Variants in TNFRSF13B observed in about 807,000 individuals in gnomAD.
TNFRSF13B encodes the protein TNF receptor superfamily member 13B.
Under a neutral mutation model 24.0 loss-of-function variants are expected in TNFRSF13B, and 34 were observed. The observed-to-expected ratio is 1.41, with a 90% CI of 1.08 to 1.88. TNFRSF13B has a LOEUF of 1.88. Ranked by LOEUF, TNFRSF13B falls within the 40% of genes most tolerant of loss-of-function variation. The pLI, the probability that TNFRSF13B is intolerant of heterozygous loss-of-function variation, is 0.00. For missense variants in TNFRSF13B, 415 were observed against 380.8 expected (o/e 1.09, Z -0.75); for synonymous variants, 173 against 150.3 (o/e 1.15, Z -1.10).
chr17:16,942,798 G>A (rs1445394602), intron 3 of TNFRSF13B, among the ~76,000 whole-genome samples: 1 of 152,224 alleles, frequency 6.6e-6, no homozygotes, highest in African/African-American at 2.4e-5. Context: ...AGCTTTCAGA[G>A]ACCATGCAAG....
At chr17:16,967,957 G>T (rs1003463967) in intron 1 of TNFRSF13B, among the ~76,000 whole-genome samples, 2 of 150,464 alleles carry the variant, frequency 1.3e-5, no homozygotes, top group African/African-American at 4.9e-5. Context: ...CTAACACGGT[G>T]AAACCGCATC....
intron 2 of TNFRSF13B, among the ~76,000 whole-genome samples, chr17:16,951,522 G>A (rs557896569): frequency 6.6e-6 from 1 of 152,344 alleles, no homozygotes; most frequent in African/African-American, 2.4e-5. Context: ...AGGATATTTG[G>A]ATTATGTTTC....
intron 1 of TNFRSF13B, among the ~76,000 whole-genome samples, chr17:16,960,708 A>G (rs2087656568): frequency 6.6e-6 from 1 of 152,232 alleles, no homozygotes; most frequent in Admixed American, 6.5e-5. Context: ...TCTTGGATAC[A>G]GCACCAAAGG....
rs769360883 is a variant in TNFRSF13B, at chr17:16,948,942, G to T, written c.241C>A (p.His81Asn). Reference protein sequence around the residue: ...CRKEQGKFYDHLLRDCISCAS... With the variant: ...CRKEQGKFYDNLLRDCISCAS... Reference sequence around the variant, plus strand: ...CAGCTGATGCAGTCCCTCAGGAGATGGTCATAGAACTTGCCTTGCTCCTTG... The same window carrying T: ...CAGCTGATGCAGTCCCTCAGGAGATTGTCATAGAACTTGCCTTGCTCCTTG... The change falls in exon 3 of 5, where the codon CAT becomes AAT. Residue 81 changes from histidine (H) to asparagine (N), a missense_variant. Coordinates refer to ENST00000261652, the MANE Select transcript of TNFRSF13B (RefSeq NM_012452.3). The T allele has an allele frequency of 3.1e-6, 5 of 1,614,070 alleles. No homozygotes were observed. In the South Asian group the frequency reaches 4.4e-5, roughly 14 times the overall value.
At chr17:16,940,279 T>C (rs1567649717) in intron 4 of TNFRSF13B, 47 bp downstream of exon 4, 2 of 1,611,708 alleles carry the variant, frequency 1.2e-6, no homozygotes, top group South Asian at 2.2e-5. Context: ...CCGAGGCTTG[T>C]CACCCAAGCA....
At position 16,939,446 on chromosome 17, in the gene TNFRSF13B, T is replaced by C; in HGVS notation, c.*101A>G. On this transcript the variant is annotated 3_prime_UTR_variant, in exon 5 of 5. Coordinates refer to ENST00000261652, the MANE Select transcript of TNFRSF13B (RefSeq NM_012452.3). ...TGTTTCTCTCCCTCTCTGCCTCCTC[T>C]GTCTCTCTCTCCTCATATCTCTCTC... The C allele has an allele frequency of 7.3e-7, 1 of 1,372,774 alleles. No homozygotes were observed. The highest frequency in any genetic ancestry group is 1.4e-5 in the South Asian group (1 of 70,756). 85.0% of individuals were successfully genotyped at this position (1,372,774 alleles called of 1,614,324 possible).
chr17:16,952,709 A>AGT, intron 1 of TNFRSF13B, 126 bp from the exon 2 acceptor site: 1 of 1,452,622 alleles, frequency 6.9e-7, no homozygotes, highest in Non-Finnish European at 9.4e-7. Context: ...TGAGGAGCAG[A>AGT]GAGGGCAGAC....
intron 1 of TNFRSF13B, among the ~76,000 whole-genome samples, chr17:16,955,127 T>TCTACGTCAGTGAGCC (rs1430687907): frequency 6.6e-6 from 1 of 152,202 alleles, no homozygotes; most frequent in Non-Finnish European, 1.5e-5. Flanking sequence ...GGGCAAAGCT[T>TCTACGTCAGTGAGCC]CTACGTCAGT....
At chr17:16,956,054 A>G (rs963675829) in intron 1 of TNFRSF13B, among the ~76,000 whole-genome samples, 2 of 152,230 alleles carry the variant, frequency 1.3e-5, no homozygotes, top group African/African-American at 4.8e-5. Flanking sequence ...GGATTTAAAG[A>G]GACAGTATCC....
intron 1 of TNFRSF13B, among the ~76,000 whole-genome samples, chr17:16,966,942 G>A (rs1428840319): frequency 7.0e-6 from 1 of 142,644 alleles, no homozygotes; most frequent in Non-Finnish European, 1.5e-5. Flanking sequence ...GGGTTCAAGC[G>A]ATTCTCTTGC....
intron 1 of TNFRSF13B, among the ~76,000 whole-genome samples, chr17:16,969,152 T>G (rs932597255): frequency 1.3e-5 from 2 of 152,246 alleles, no homozygotes; most frequent in Non-Finnish European, 2.9e-5. Flanking sequence ...CTTAAAATGT[T>G]AAACATAGAA....
intron 2 of TNFRSF13B, 94 bp from the exon 3 acceptor site, chr17:16,949,077 TACAG>T: frequency 1.4e-6 from 2 of 1,473,048 alleles, no homozygotes; most frequent in South Asian, 2.4e-5. Context: ...AAAAAAAAAA[TACAG>T]TAAAATTCCA....
At chr17:16,945,024 G>T (rs1320529342) in intron 3 of TNFRSF13B, among the ~76,000 whole-genome samples, 1 of 152,160 alleles carries the variant, frequency 6.6e-6, no homozygotes, top group Non-Finnish European at 1.5e-5. Flanking sequence ...TGCCCCACCA[G>T]CCCATGCAGG....
chr17:16,951,232 G>T (rs11651242), intron 2 of TNFRSF13B, among the ~76,000 whole-genome samples: 77,537 of 152,034 alleles, frequency 0.51, 20,801 homozygotes, highest in East Asian at 0.8. Context: ...TGAGTTCCCC[G>T]CAATAAGTAT....
In TNFRSF13B at chr17:16,940,391, C is replaced by T. The variant is rs199777698; in HGVS notation, c.566G>A (p.Arg189Lys). The T allele has an allele frequency of 6.2e-7, 1 of 1,614,090 alleles. No individual in the cohort carries two copies. Among genetic ancestry groups the T allele is most frequent in the Non-Finnish European group, 8.5e-7 (1 of 1,180,022 alleles). The change falls in exon 4 of 5, where the codon AGG (arginine) becomes AAG (lysine). Residue 189 changes from arginine (R) to lysine (K), a missense_variant. Coordinates refer to ENST00000261652, the MANE Select transcript of TNFRSF13B (RefSeq NM_012452.3). ...LVAVACFLKK[R>K]GDPCSCQPRS... is the part of the protein sequence containing the mutation. ...GGGCTGGCAGGAGCAGGGATCCCCC[C>T]TCTTCTTGAGGAAGCAGGCCACCGC...
At position 16,948,899 on chromosome 17, in the gene TNFRSF13B, T is replaced by C; in HGVS notation, c.284A>G (p.Gln95Arg). Residue 95 changes from glutamine to arginine, a missense_variant, in exon 3 of 5, where the codon CAG becomes CGG. Coordinates refer to ENST00000261652, the MANE Select transcript of TNFRSF13B (RefSeq NM_012452.3). ...GAAGTATGCACATTGCTTAGGGTGC[T>C]GTCCACAGATGGAGGCACAGCTGAT... is the stretch of plus-strand genomic sequence containing the variant. ...DCISCASICG[Q>R]HPKQCAYFCE... 2 of 1,614,226 alleles carry C rather than the reference T, an allele frequency of 1.2e-6. No individual in the cohort carries two copies.
chr17:16,945,795 GT>G (rs1236260561), intron 3 of TNFRSF13B, among the ~76,000 whole-genome samples: 1 of 152,144 alleles, frequency 6.6e-6, no homozygotes, highest in Non-Finnish European at 1.5e-5. Flanking sequence ...ATGGCTACAG[GT>G]TTCCCCCCTC....
intron 1 of TNFRSF13B, among the ~76,000 whole-genome samples, chr17:16,959,775 T>A (rs1258830785): frequency 6.6e-6 from 1 of 152,110 alleles, no homozygotes; most frequent in Non-Finnish European, 1.5e-5. Flanking sequence ...CCAAAACTGA[T>A]GAATGAACAG....
chr17:16,963,856 A>T (rs1161795561), intron 1 of TNFRSF13B, among the ~76,000 whole-genome samples: 1 of 152,074 alleles, frequency 6.6e-6, no homozygotes, highest in Non-Finnish European at 1.5e-5. Context: ...GGCCTTTCTC[A>T]TCCAGTCTTT....
Sources: gnomAD v4.1 joint callset for allele counts (sites outside exome capture counted in the v4.1 genomes callset) on GRCh38, gnomAD v4.1.1 for gene constraint, MANE v1.5 for transcripts, NCBI Gene and HGNC (gene_info 2026-07-23, HGNC 2026-07-21) for gene names.